Variants in GRAMD2A observed in about 807,000 individuals in gnomAD.
GRAMD2A encodes GRAM domain containing 2A, also known as GRAM domain-containing protein 2A.
Under a neutral mutation model 51.1 loss-of-function variants are expected in GRAMD2A, and 37 were observed. The observed-to-expected ratio is 0.72, with a 90% confidence interval of 0.56 to 0.95. The LOEUF is 0.95. GRAMD2A is among the 40% of genes least tolerant of loss of function. The pLI is 0.00. For missense variants in GRAMD2A, 414 were observed against 426.9 expected (o/e 0.97, Z 0.27); for synonymous variants, 136 against 157.1 (o/e 0.87, Z 1.01).
chr15:72,193,383 A>T (rs1053208952), intron 1 of GRAMD2A, among the ~76,000 whole-genome samples: 10 of 150,704 alleles, frequency 6.6e-5, no homozygotes, highest in Admixed American at 4.6e-4. Flanking sequence ...CGCCCAGCAA[A>T]TTTTTTGTAT....
At chr15:72,192,989 G>C (rs1001187118) in intron 1 of GRAMD2A, among the ~76,000 whole-genome samples, 2 of 151,964 alleles carry the variant, frequency 1.3e-5, no homozygotes, top group Non-Finnish European at 2.9e-5. Context: ...AGTCGGGCGT[G>C]GTGGCACATG....
At chr15:72,183,392 G>A (rs1242828335) in intron 1 of GRAMD2A, among the ~76,000 whole-genome samples, 1 of 151,768 alleles carries the variant, frequency 6.6e-6, no homozygotes, top group Non-Finnish European at 1.5e-5. Context: ...ATATGTGCCT[G>A]TCGTCCCAGC....
chr15:72,182,362 CAAAAAA>C (rs36075463), intron 1 of GRAMD2A, among the ~76,000 whole-genome samples: 7 of 47,560 alleles, frequency 1.5e-4, no homozygotes, highest in Non-Finnish European at 2.5e-4. Flanking sequence ...GAGACTGTCT[CAAAAAA>C]AAAAAAAAAA....
chr15:72,193,027 G>A (rs1193751965), intron 1 of GRAMD2A, among the ~76,000 whole-genome samples: 1 of 152,034 alleles, frequency 6.6e-6, no homozygotes, highest in Non-Finnish European at 1.5e-5. Context: ...TCGGAAGGCT[G>A]AGGCAGGAGA....
chr15:72,172,918 G>C (rs547494505), intron 1 of GRAMD2A, among the ~76,000 whole-genome samples: 6 of 152,152 alleles, frequency 3.9e-5, no homozygotes, highest in South Asian at 2.1e-4. Context: ...GGACAGGCCT[G>C]GGGGGAGTAG....
intron 1 of GRAMD2A, among the ~76,000 whole-genome samples, chr15:72,178,371 C>G (rs1459531687): frequency 6.6e-6 from 1 of 152,218 alleles, no homozygotes; most frequent in East Asian, 1.9e-4. Context: ...GTGTCCTTCC[C>G]GAGAGACTCC....
intron 1 of GRAMD2A, among the ~76,000 whole-genome samples, chr15:72,192,735 T>C (rs939533232): frequency 6.6e-6 from 1 of 152,196 alleles, no homozygotes; most frequent in Admixed American, 6.5e-5. Flanking sequence ...TACTTTAGGT[T>C]AAAAAGAAAT....
chr15:72,165,327 G>A (rs1357595101), intron 8 of GRAMD2A, 27 bp downstream of exon 8: 2 of 1,610,890 alleles, frequency 1.2e-6, no homozygotes, highest in East Asian at 4.5e-5. Flanking sequence ...CAGTCCAGCA[G>A]TCTTTGCTCC....
intron 11 of GRAMD2A, 50 bp from the exon 12 acceptor site, chr15:72,162,062 C>T (rs752228508): frequency 1.6e-5 from 26 of 1,611,964 alleles, no homozygotes; most frequent in African/African-American, 1.1e-4. Flanking sequence ...AGAATGCAGA[C>T]GGACGTGGGC....
chr15:72,189,990 T>C (rs1449607537), intron 1 of GRAMD2A, among the ~76,000 whole-genome samples: 1 of 152,206 alleles, frequency 6.6e-6, no homozygotes, highest in Non-Finnish European at 1.5e-5. Context: ...AAAAGGTGCA[T>C]TGTAACTAGG....
intron 1 of GRAMD2A, among the ~76,000 whole-genome samples, chr15:72,171,441 C>T (rs1415090144): frequency 4.6e-5 from 7 of 152,076 alleles, no homozygotes; most frequent in African/African-American, 1.7e-4. Flanking sequence ...AATTTGTATA[C>T]CCTACTTCTG....
At position 72,160,413 on chromosome 15, in the gene GRAMD2A, A is replaced by G. The variant is rs900516493; in HGVS notation, c.*1596T>C. On this transcript the variant is annotated 3_prime_UTR_variant, in exon 12 of 12. Transcript: ENST00000309731. ...GACATACAGATTTGGTGCAAGCAACACAAAAGGCCAGGCTCTAAATTTCAT... is the reference window on the plus strand; with the variant it reads ...GACATACAGATTTGGTGCAAGCAACGCAAAAGGCCAGGCTCTAAATTTCAT... 1 of 151,830 alleles carries G rather than the reference A, an allele frequency of 6.6e-6. No individual in the cohort carries two copies. Among genetic ancestry groups the G allele is most frequent in the Non-Finnish European group, 1.5e-5 (1 of 68,022 alleles). 9.4% of individuals were successfully genotyped at this position (151,830 alleles called of 1,614,324 possible). A position where few individuals can be genotyped will look rare whatever the true frequency, so the allele number is the denominator to read the frequency against.
chr15:72,187,063 A>G (rs2081739287), intron 1 of GRAMD2A, among the ~76,000 whole-genome samples: 1 of 151,942 alleles, frequency 6.6e-6, no homozygotes, highest in South Asian at 2.1e-4. Context: ...TGGGAGACTG[A>G]GGCAGGAAAA....
At position 72,167,611 on chromosome 15, in the gene GRAMD2A, A is replaced by T. The variant is rs1042591189; in HGVS notation, c.372+125T>A. The T allele has an allele frequency of 3.9e-6, 3 of 764,940 alleles. No individual in the cohort carries two copies. The African/African-American group carries it at 5.3e-5, about 13-fold the overall frequency. 47.4% of individuals were successfully genotyped at this position (764,940 alleles called of 1,614,324 possible). A position where few individuals can be genotyped will look rare whatever the true frequency, so the allele number is the denominator to read the frequency against. ...GGGATGCCTCGAAGCTGCGCATCCA[A>T]CCAGCAAGGGGCTTCACCCGGGGCC... is the stretch of plus-strand genomic sequence containing the variant. On this transcript the variant is annotated intron_variant, in intron 5 of 11. Coordinates refer to ENST00000309731, the MANE Select transcript of GRAMD2A (RefSeq NM_001012642.3).
intron 1 of GRAMD2A, among the ~76,000 whole-genome samples, chr15:72,192,987 G>C (rs970144172): frequency 6.6e-6 from 1 of 151,942 alleles, no homozygotes; most frequent in African/African-American, 2.4e-5. Context: ...TTAGTCGGGC[G>C]TGGTGGCACA....
chr15:72,197,713 C>A lies in GRAMD2A; in HGVS notation c.41+18G>T. The A allele has an allele frequency of 7.6e-7, 1 of 1,316,030 alleles. No individual in the cohort carries two copies. The highest frequency in any genetic ancestry group is 3.2e-5 in the Admixed American group (1 of 31,622). 81.5% of individuals were successfully genotyped at this position (1,316,030 alleles called of 1,614,324 possible). On this transcript the variant is annotated intron_variant, in intron 1 of 11. Coordinates refer to ENST00000309731, the MANE Select transcript of GRAMD2A (RefSeq NM_001012642.3). The stretch of plus-strand genomic sequence containing the variant: ...CTCCGGAACCCCCGAGACCGGCCCC[C>A]GGGCCGCAACCCCTTACCCGCCCTC...
chr15:72,192,026 T>C (rs561036066), intron 1 of GRAMD2A, among the ~76,000 whole-genome samples: 1 of 152,346 alleles, frequency 6.6e-6, no homozygotes, highest in South Asian at 2.1e-4. Context: ...TGCCATTTTT[T>C]AGATGTAATA....
Position 72,161,765 on chromosome 15 carries a change from T to G in GRAMD2A, c.*244A>C, listed in dbSNP as rs2081478249. On this transcript the variant is annotated 3_prime_UTR_variant, in exon 12 of 12. Coordinates refer to ENST00000309731, the MANE Select transcript of GRAMD2A (RefSeq NM_001012642.3). The stretch of plus-strand genomic sequence containing the variant: ...TTGTGTACAGAATTCCTCAGTTGGT[T>G]CCAAAAAATCTGGCTTTTTGCTTGA... 1 of 524,766 alleles carries G rather than the reference T, an allele frequency of 1.9e-6. No homozygotes were observed. Among genetic ancestry groups the G allele is most frequent in the African/African-American group, 1.9e-5 (1 of 52,108 alleles). The allele number at this position is 524,766 out of a possible 1,614,324, so 32.5% of individuals were successfully genotyped here.
intron 1 of GRAMD2A, among the ~76,000 whole-genome samples, chr15:72,196,819 T>G (rs1192169991): frequency 2.6e-5 from 4 of 152,080 alleles, no homozygotes; most frequent in African/African-American, 9.7e-5. Flanking sequence ...CCAGTCCCTC[T>G]GAGTATAAGG....
Sources: gnomAD v4.1 joint callset for allele counts (sites outside exome capture counted in the v4.1 genomes callset) on GRCh38, gnomAD v4.1.1 for gene constraint, MANE v1.5 for transcripts, NCBI Gene and HGNC (gene_info 2026-07-23, HGNC 2026-07-21) for gene names.